PRKG1: variants seen among roughly 807,000 people sequenced by gnomAD.
PRKG1 encodes cGMP-dependent protein kinase 1.
Under a neutral mutation model 88.1 loss-of-function variants are expected in PRKG1, and 35 were observed. That is an observed-to-expected ratio of 0.40 (90% CI 0.30 to 0.53). The LOEUF (loss-of-function observed/expected upper bound fraction) is 0.53. PRKG1 is among the 20% of genes least tolerant of loss of function. The pLI is 0.59. For synonymous variants in PRKG1, 303 were observed against 292.5 expected, an observed-to-expected ratio of 1.04 and a Z score of -0.37; for missense variants, 540 against 839.8, an observed-to-expected ratio of 0.64 and a Z score of 4.41.
intron 4 of PRKG1, among the ~76,000 whole-genome samples, chr10:51,842,219 A>G (rs531410286): frequency 1.1e-3 from 171 of 152,316 alleles, no homozygotes; most frequent in Middle Eastern, 3.4e-3. Context: ...TACAGTCAGC[A>G]TTGCATATCA....
chr10:52,091,772 C>T (rs1847061989), intron 7 of PRKG1, among the ~76,000 whole-genome samples: 1 of 152,122 alleles, frequency 6.6e-6, no homozygotes, highest in African/African-American at 2.4e-5. Flanking sequence ...GAGGTGTCCT[C>T]ATTGTGAAAT....
At chr10:51,913,417 C>T (rs1242082544) in intron 5 of PRKG1, among the ~76,000 whole-genome samples, 1 of 152,142 alleles carries the variant, frequency 6.6e-6, no homozygotes, top group African/African-American at 2.4e-5. Flanking sequence ...ATTTTTATGT[C>T]CATGTGCACT....
intron 9 of PRKG1, among the ~76,000 whole-genome samples, chr10:52,219,683 A>G (rs1840196816): frequency 6.6e-6 from 1 of 152,214 alleles, no homozygotes; most frequent in Non-Finnish European, 1.5e-5. Flanking sequence ...ACAATCACTC[A>G]TCCTCTTGTT....
At chr10:51,357,790 A>G (rs201567264) in intron 2 of PRKG1, among the ~76,000 whole-genome samples, 1 of 151,946 alleles carries the variant, frequency 6.6e-6, no homozygotes, top group Non-Finnish European at 1.5e-5. Flanking sequence ...CCAGCATTCA[A>G]TCTAGAAGTT....
chr10:51,598,360 G>A lies in PRKG1; in HGVS notation c.592+130524G>A, dbSNP rs145784897. Among the ~76,000 whole-genome samples the A allele has an allele frequency of 2.0e-4, 31 of 152,176 alleles. No homozygotes were observed. In the East Asian group the frequency reaches 4.8e-3, roughly 24 times the overall value. ...ATGATATCAGCCCACTGCAACCTCC[G>A]CCTCCCAAGTTCAAGAGATTCTCCT... is the stretch of plus-strand genomic sequence containing the variant. On this transcript the variant is annotated intron_variant, in intron 3 of 17. Transcript: ENST00000373980.
chr10:52,070,497 G>A (rs1903954), intron 7 of PRKG1, among the ~76,000 whole-genome samples: 26,225 of 152,042 alleles, frequency 0.17, 2,867 homozygotes, highest in South Asian at 0.28. Context: ...ATAAAACTCT[G>A]TGCATCTCCT....
intron 3 of PRKG1, among the ~76,000 whole-genome samples, chr10:51,598,085 G>C (rs1361134705): frequency 6.6e-6 from 1 of 152,148 alleles, no homozygotes; most frequent in East Asian, 1.9e-4. Context: ...AGAGGAGCTA[G>C]CATTGGTCAT....
chr10:51,918,269 C>G (rs1281517046), intron 5 of PRKG1, among the ~76,000 whole-genome samples: 1 of 152,078 alleles, frequency 6.6e-6, no homozygotes, highest in Non-Finnish European at 1.5e-5. Flanking sequence ...AGAAAAACTT[C>G]TCCCACCCCT....
chr10:51,565,065 CAG>C (rs1436991504), intron 3 of PRKG1, among the ~76,000 whole-genome samples: 1 of 152,028 alleles, frequency 6.6e-6, no homozygotes, highest in Non-Finnish European at 1.5e-5. Flanking sequence ...GATAAAAGCT[CAG>C]AGAGTGAATA....
At chr10:51,845,645 C>CT (rs1431012643) in intron 4 of PRKG1, among the ~76,000 whole-genome samples, 2 of 152,092 alleles carry the variant, frequency 1.3e-5, no homozygotes, top group South Asian at 2.1e-4. Context: ...CATCTCCAGA[C>CT]TTTTTTTATG....
intron 4 of PRKG1, among the ~76,000 whole-genome samples, chr10:51,906,635 A>C (rs1436778911): frequency 6.6e-6 from 1 of 152,126 alleles, no homozygotes; most frequent in Non-Finnish European, 1.5e-5. Context: ...GGTTGTGGAG[A>C]CCAAGGTTCT....
intron 1 of PRKG1, among the ~76,000 whole-genome samples, chr10:51,050,014 G>T (rs556081565): frequency 6.6e-6 from 1 of 152,060 alleles, no homozygotes; most frequent in East Asian, 1.9e-4. Context: ...TTAAATTCAG[G>T]TCAATGGAAA....
At chr10:51,123,692 CAAA>C (rs34103294) in intron 1 of PRKG1, among the ~76,000 whole-genome samples, 11 of 133,620 alleles carry the variant, frequency 8.2e-5, no homozygotes, top group Non-Finnish European at 9.4e-5. Context: ...GACTCCATCT[CAAA>C]AAAAAAAAAA....
intron 2 of PRKG1, among the ~76,000 whole-genome samples, chr10:51,357,535 A>G (rs1305286502): frequency 6.6e-6 from 1 of 151,658 alleles, no homozygotes; most frequent in Non-Finnish European, 1.5e-5. Flanking sequence ...AGTTAAGGCA[A>G]CTCTTATTGA....
At chr10:52,175,475 AAT>A (rs1286782017) in intron 9 of PRKG1, among the ~76,000 whole-genome samples, 1 of 152,034 alleles carries the variant, frequency 6.6e-6, no homozygotes, top group African/African-American at 2.4e-5. Context: ...ATGTCTCTTC[AAT>A]ATACTGATTT....
chr10:51,279,856 G>A (rs1335598763), intron 2 of PRKG1, among the ~76,000 whole-genome samples: 1 of 152,176 alleles, frequency 6.6e-6, no homozygotes, highest in Non-Finnish European at 1.5e-5. Context: ...TTTAATTGGA[G>A]CATTTAGCCC....
At chr10:51,152,145 T>C (rs1564619286) in intron 1 of PRKG1, among the ~76,000 whole-genome samples, 1 of 152,110 alleles carries the variant, frequency 6.6e-6, no homozygotes, top group Non-Finnish European at 1.5e-5. Context: ...TTTTGCATTC[T>C]TAGAAAGTCA....
intron 2 of PRKG1, among the ~76,000 whole-genome samples, chr10:51,401,341 G>C (rs1037962188): frequency 4.6e-5 from 7 of 152,176 alleles, no homozygotes; most frequent in African/African-American, 1.7e-4. Flanking sequence ...TTTGGAAAGA[G>C]CAACTTTAGA....
At chr10:51,218,490 C>CATATATATATATAT (rs869105973) in intron 2 of PRKG1, among the ~76,000 whole-genome samples, 1 of 40,780 alleles carries the variant, frequency 2.5e-5, no homozygotes, top group South Asian at 8.0e-4. Context: ...CATCTATCTT[C>CATATATATATATAT]ATATATATAT....
Sources: allele counts gnomAD v4.1 joint callset (sites outside exome capture counted in the v4.1 genomes callset), GRCh38; gene constraint gnomAD v4.1.1; transcripts MANE v1.5; gene names NCBI Gene and HGNC (gene_info 2026-07-23, HGNC 2026-07-21).